CSMD3: variants seen among roughly 807,000 people sequenced by gnomAD.
The protein encoded by CSMD3 is CUB and sushi domain-containing protein 3.
In CSMD3, 177 loss-of-function variants were observed where a neutral mutation model predicts 435.2. The observed-to-expected ratio is 0.41, with a 90% CI of 0.36 to 0.46. CSMD3 has a LOEUF of 0.46. Ranked by LOEUF, CSMD3 falls within the 20% of genes least tolerant of loss-of-function variation. The pLI, the probability that CSMD3 is intolerant of heterozygous loss-of-function variation, is 0.34. For synonymous variants in CSMD3, 1,656 were observed against 1,520.5 expected, an observed-to-expected ratio of 1.09 and a Z score of -2.07; for missense variants, 4,265 against 4,504.6, an observed-to-expected ratio of 0.95 and a Z score of 1.52.
chr8:112,747,920 G>T (rs985154986), intron 13 of CSMD3, among the ~76,000 whole-genome samples: 3 of 140,982 alleles, frequency 2.1e-5, no homozygotes, highest in Non-Finnish European at 4.5e-5. Flanking sequence ...CGGAGATTGC[G>T]CCACAGCACT....
chr8:113,337,350 G>T (rs944411902), intron 1 of CSMD3, among the ~76,000 whole-genome samples: 4 of 151,974 alleles, frequency 2.6e-5, no homozygotes, highest in Admixed American at 2.0e-4. Context: ...AGCAAGTCTG[G>T]CCACAGATTT....
In CSMD3 at chr8:112,472,721, G is replaced by A. The variant is rs754310147; in HGVS notation, c.5279-14C>T. ...TTCCACAGGGCGCTAGGAAAAAATG[G>A]CAAAAATATCATTTTTAGAAAAAAG... On this transcript the variant is annotated splice_polypyrimidine_tract_variant and intron_variant, in intron 31 of 70. Transcript: ENST00000297405. 2.8e-6 allele frequency: 4 copies of A among 1,422,828 alleles called. No individual in the cohort carries two copies. The highest frequency in any genetic ancestry group is 1.8e-4 in the Middle Eastern group (1 of 5,670). 88.1% of individuals were successfully genotyped at this position (1,422,828 alleles called of 1,614,324 possible). A position where few individuals can be genotyped will look rare whatever the true frequency, so the allele number is the denominator to read the frequency against.
At chr8:113,096,409 T>C (rs2090163644) in intron 5 of CSMD3, among the ~76,000 whole-genome samples, 1 of 152,156 alleles carries the variant, frequency 6.6e-6, no homozygotes, top group Admixed American at 6.6e-5. Context: ...AATTCTATCA[T>C]TTATCTTGAA....
chr8:112,430,578 A>T (rs1813553988), intron 32 of CSMD3, among the ~76,000 whole-genome samples: 1 of 151,956 alleles, frequency 6.6e-6, no homozygotes, highest in Admixed American at 6.6e-5. Context: ...TATGTTTAGG[A>T]TATGGGATTT....
At chr8:112,242,206 T>C (rs1282978116) in intron 65 of CSMD3, among the ~76,000 whole-genome samples, 7 of 152,046 alleles carry the variant, frequency 4.6e-5, no homozygotes, top group African/African-American at 1.7e-4. Flanking sequence ...GTTGAGATAA[T>C]TAAAGATGTC....
At chr8:112,665,903 A>C (rs779423208) in intron 17 of CSMD3, among the ~76,000 whole-genome samples, 1 of 152,114 alleles carries the variant, frequency 6.6e-6, no homozygotes, top group African/African-American at 2.4e-5. Context: ...CTTAGACTGC[A>C]CTAGTGTTGA....
chr8:113,272,782 T>C (rs1443090235), intron 3 of CSMD3, among the ~76,000 whole-genome samples: 1 of 152,158 alleles, frequency 6.6e-6, no homozygotes, highest in Non-Finnish European at 1.5e-5. Context: ...CTGGAACTAT[T>C]TTCATTCTAC....
chr8:112,675,165 C>A (rs1323667575), intron 16 of CSMD3, among the ~76,000 whole-genome samples: 2 of 152,088 alleles, frequency 1.3e-5, no homozygotes, highest in Non-Finnish European at 2.9e-5. Context: ...AAATTTAGTT[C>A]TCCATTTTGT....
intron 31 of CSMD3, among the ~76,000 whole-genome samples, chr8:112,488,554 C>T (rs1287803063): frequency 6.6e-6 from 1 of 152,178 alleles, no homozygotes; most frequent in Non-Finnish European, 1.5e-5. Context: ...CACTCAAAAG[C>T]AATGCCTACC....
chr8:112,906,866 C>T (rs1281503745), intron 10 of CSMD3, among the ~76,000 whole-genome samples: 1 of 151,530 alleles, frequency 6.6e-6, no homozygotes, highest in Non-Finnish European at 1.5e-5. Flanking sequence ...AGATGTAAAA[C>T]TGCCTTTTTC....
intron 30 of CSMD3, 114 bp downstream of exon 30, chr8:112,503,676 C>T: frequency 1.4e-6 from 1 of 698,540 alleles, no homozygotes; most frequent in Non-Finnish European, 2.4e-6. Flanking sequence ...ACATAATCTG[C>T]ATTTAAAAAT....
chr8:112,512,237 A>C (rs953759357), intron 28 of CSMD3, among the ~76,000 whole-genome samples: 2 of 152,264 alleles, frequency 1.3e-5, no homozygotes, highest in Non-Finnish European at 2.9e-5. Flanking sequence ...CTTTGCTCAG[A>C]TGCATCAGAT....
intron 70 of CSMD3, among the ~76,000 whole-genome samples, chr8:112,228,441 T>C (rs1162198216): frequency 6.6e-6 from 1 of 152,180 alleles, no homozygotes; most frequent in African/African-American, 2.4e-5. Context: ...ACCTAGATTT[T>C]CTATCTCTAA....
At chr8:112,371,008 A>G (rs1419533281) in intron 38 of CSMD3, among the ~76,000 whole-genome samples, 5 of 152,164 alleles carry the variant, frequency 3.3e-5, no homozygotes, top group African/African-American at 1.2e-4. Context: ...GATTTGATCA[A>G]TGAAGTTAAA....
intron 32 of CSMD3, among the ~76,000 whole-genome samples, chr8:112,432,282 C>T (rs539348030): frequency 1.3e-5 from 2 of 152,046 alleles, no homozygotes; most frequent in African/African-American, 4.8e-5. Context: ...GGTCAAGATT[C>T]CTTAATAAGT....
At chr8:113,289,715 T>C (rs543534980) in intron 2 of CSMD3, among the ~76,000 whole-genome samples, 1 of 151,908 alleles carries the variant, frequency 6.6e-6, no homozygotes, top group African/African-American at 2.4e-5. Flanking sequence ...GCACACACTT[T>C]ATCATGTTAA....
intron 35 of CSMD3, among the ~76,000 whole-genome samples, chr8:112,404,357 G>A (rs1012535353): frequency 4.6e-5 from 7 of 151,946 alleles, no homozygotes; most frequent in Admixed American, 2.0e-4. Flanking sequence ...GTGAAACCCC[G>A]TCTCTACTAA....
In CSMD3 at chr8:112,301,725, A is replaced by T. The variant is rs927207941; in HGVS notation, c.8440+68T>A. 133 of 1,189,466 alleles carry T rather than the reference A, an allele frequency of 1.1e-4. 1 individual carries two copies. In the East Asian group the frequency reaches 3.1e-3, roughly 28 times the overall value. The allele number at this position is 1,189,466 out of a possible 1,614,324, so 73.7% of individuals were successfully genotyped here. A position where few individuals can be genotyped will look rare whatever the true frequency, so the allele number is the denominator to read the frequency against. ...AAATTAGTATCTCATATTAGGGAAA[A>T]AGAGATGCCTCTTTTCAAGGGTGAG... On this transcript the variant is annotated intron_variant, in intron 53 of 70. Transcript: ENST00000297405.
chr8:112,290,304 C>G (rs1290004419), intron 56 of CSMD3, among the ~76,000 whole-genome samples: 1 of 151,784 alleles, frequency 6.6e-6, no homozygotes, highest in African/African-American at 2.4e-5. Flanking sequence ...CTTAATAAAA[C>G]CTTTCAGTAT....
Sources: gnomAD v4.1 joint callset for allele counts (sites outside exome capture counted in the v4.1 genomes callset) on GRCh38, gnomAD v4.1.1 for gene constraint, MANE v1.5 for transcripts, NCBI Gene and HGNC (gene_info 2026-07-23, HGNC 2026-07-21) for gene names.